Variants in EPHA5 observed in about 807,000 individuals in gnomAD.
The protein encoded by EPHA5 is ephrin type-A receptor 5.
In EPHA5, 60 loss-of-function variants were observed where a neutral mutation model predicts 105.0. That is an observed-to-expected ratio of 0.57 (90% confidence interval 0.46 to 0.71). EPHA5 has a LOEUF of 0.71. Among genes scored for constraint, EPHA5 ranks in the 30% least tolerant of loss-of-function variants. The probability of loss-of-function intolerance (pLI) is 0.00; values close to 1 mark genes in which losing one functional copy is unlikely to be tolerated. For synonymous variants in EPHA5, 513 were observed against 449.1 expected (o/e 1.14, Z -1.80); for missense variants, 1,218 against 1,274.7 (o/e 0.96, Z 0.68).
chr4:65,522,232 T>C (rs1169094803), intron 3 of EPHA5, among the ~76,000 whole-genome samples: 1 of 151,598 alleles, frequency 6.6e-6, no homozygotes, highest in African/African-American at 2.4e-5. Context: ...GGGGATTTCC[T>C]GCTTCTTCCC....
chr4:65,415,319 ATGT>A (rs963375936), intron 6 of EPHA5, among the ~76,000 whole-genome samples: 5 of 152,196 alleles, frequency 3.3e-5, no homozygotes, highest in African/African-American at 1.2e-4. Context: ...CCTCACAGAG[ATGT>A]TGTAAAAATA....
rs71657409 is a variant in EPHA5, at chr4:65,423,669, GTT to G, written c.1403-3106_1403-3105del. 1.6e-3 allele frequency among the ~76,000 whole-genome samples: 232 copies of G among 142,120 alleles called. 1 individual carries two copies. Among genetic ancestry groups the G allele is most frequent in the African/African-American group, 5.6e-3 (219 of 38,950 alleles). 93.2% of individuals were successfully genotyped at this position (142,120 alleles called of 152,430 possible). The stretch of plus-strand genomic sequence containing the variant: ...TACCCCCATCATTATGGGTTTGTCT[GTT>G]TTTTTTTTTTCTACATTATTTTCTT... On this transcript the variant is annotated intron_variant, in intron 5 of 16. Coordinates refer to ENST00000613740, the MANE Select transcript of EPHA5 (RefSeq NM_001281766.3).
At chr4:65,469,539 G>C (rs900011993) in intron 5 of EPHA5, among the ~76,000 whole-genome samples, 1 of 152,136 alleles carries the variant, frequency 6.6e-6, no homozygotes, top group Non-Finnish European at 1.5e-5. Flanking sequence ...GAAGAAAGCT[G>C]AGACACCTTT....
At chr4:65,663,280 T>C (rs1749697143) in intron 1 of EPHA5, among the ~76,000 whole-genome samples, 1 of 152,130 alleles carries the variant, frequency 6.6e-6, no homozygotes, top group African/African-American at 2.4e-5. Flanking sequence ...TAAATCACTA[T>C]AAATTTAAAA....
intron 5 of EPHA5, among the ~76,000 whole-genome samples, chr4:65,424,412 TGTTA>T (rs1440347067): frequency 2.0e-5 from 3 of 152,234 alleles, no homozygotes; most frequent in Non-Finnish European, 4.4e-5. Context: ...TATGTAATTC[TGTTA>T]GTTAGTTAAC....
intron 11 of EPHA5, among the ~76,000 whole-genome samples, chr4:65,358,679 T>C (rs1328793064): frequency 6.6e-6 from 1 of 151,590 alleles, no homozygotes; most frequent in Non-Finnish European, 1.5e-5. Flanking sequence ...ACTCAGATAT[T>C]TTAATTTTAT....
chr4:65,631,131 T>A (rs1478228251), intron 2 of EPHA5, among the ~76,000 whole-genome samples: 4 of 152,144 alleles, frequency 2.6e-5, no homozygotes, highest in Non-Finnish European at 5.9e-5. Flanking sequence ...TAGATTTATG[T>A]AAGCCTATCA....
chr4:65,647,539 T>C (rs1366950750), intron 1 of EPHA5, among the ~76,000 whole-genome samples: 2 of 152,028 alleles, frequency 1.3e-5, no homozygotes, highest in East Asian at 3.9e-4. Flanking sequence ...AATGAATACA[T>C]GAGTATTGAT....
At chr4:65,615,002 A>T (rs533137449) in intron 2 of EPHA5, among the ~76,000 whole-genome samples, 1 of 152,010 alleles carries the variant, frequency 6.6e-6, no homozygotes, top group East Asian at 1.9e-4. Flanking sequence ...GTATATAATA[A>T]AGAAAAATGT....
chr4:65,551,311 A>G (rs1025159666), intron 3 of EPHA5, among the ~76,000 whole-genome samples: 1 of 149,886 alleles, frequency 6.7e-6, no homozygotes, highest in Non-Finnish European at 1.5e-5. Flanking sequence ...TGGAGTCAGC[A>G]TATCATTTAT....
intron 3 of EPHA5, among the ~76,000 whole-genome samples, chr4:65,506,096 T>A (rs540758409): frequency 7.9e-5 from 12 of 152,074 alleles, no homozygotes; most frequent in African/African-American, 2.9e-4. Flanking sequence ...TGAGAACATG[T>A]GGTGCTTGGT....
At chr4:65,422,489 T>C (rs1188734945) in intron 5 of EPHA5, among the ~76,000 whole-genome samples, 3 of 152,096 alleles carry the variant, frequency 2.0e-5, no homozygotes, top group African/African-American at 7.2e-5. Context: ...ATGAGAATGA[T>C]GACTTAGAGC....
intron 14 of EPHA5, among the ~76,000 whole-genome samples, chr4:65,341,521 C>G (rs1323226796): frequency 6.7e-6 from 1 of 150,336 alleles, no homozygotes. Context: ...TGAATGCCAC[C>G]CTATAGAATC....
chr4:65,611,789 T>A (rs568490777), intron 2 of EPHA5, among the ~76,000 whole-genome samples: 1 of 151,730 alleles, frequency 6.6e-6, no homozygotes, highest in East Asian at 1.9e-4. Context: ...TTTTTTTTTG[T>A]TGGAAAACAG....
At chr4:65,446,200 A>T (rs780707270) in intron 5 of EPHA5, among the ~76,000 whole-genome samples, 20 of 152,190 alleles carry the variant, frequency 1.3e-4, no homozygotes, top group Non-Finnish European at 2.6e-4. Flanking sequence ...CAATTGTACC[A>T]ATTGTCTATT....
At position 65,641,750 on chromosome 4, in the gene EPHA5, G is replaced by A. The variant is rs369046767; in HGVS notation, c.246+1613C>T. On this transcript the variant is annotated intron_variant, in intron 2 of 16. Coordinates refer to ENST00000613740, the MANE Select transcript of EPHA5 (RefSeq NM_001281766.3). ...TAACATCTGGTACACTATGTTGAAGGAAACATTACTCAACATAATTACAAG... is the reference window on the plus strand; with the variant it reads ...TAACATCTGGTACACTATGTTGAAGAAAACATTACTCAACATAATTACAAG... Among the ~76,000 whole-genome samples the A allele has an allele frequency of 1.3e-4, 19 of 151,730 alleles. 1 individual carries two copies. The highest frequency in any genetic ancestry group is 4.6e-4 in the African/African-American group (19 of 41,358).
intron 5 of EPHA5, among the ~76,000 whole-genome samples, chr4:65,440,200 C>A (rs559389960): frequency 1.6e-4 from 25 of 151,808 alleles, no homozygotes; most frequent in African/African-American, 5.8e-4. Flanking sequence ...TTGTCATAGA[C>A]ATAATCAATA....
chr4:65,568,810 G>A (rs1027202916), intron 3 of EPHA5, among the ~76,000 whole-genome samples: 2 of 150,776 alleles, frequency 1.3e-5, no homozygotes, highest in African/African-American at 2.4e-5. Context: ...TATCTTCAAC[G>A]AATTTTCCAA....
intron 3 of EPHA5, among the ~76,000 whole-genome samples, chr4:65,507,890 T>C (rs191463517): frequency 5.9e-5 from 9 of 152,204 alleles, no homozygotes; most frequent in African/African-American, 2.2e-4. Flanking sequence ...TAATACAACA[T>C]ATATTATTTT....
Sources: allele counts gnomAD v4.1 joint callset (sites outside exome capture counted in the v4.1 genomes callset), GRCh38; gene constraint gnomAD v4.1.1; transcripts MANE v1.5; gene names NCBI Gene and HGNC (gene_info 2026-07-23, HGNC 2026-07-21).